CNTLN: variants seen among roughly 807,000 people sequenced by gnomAD.
The protein encoded by CNTLN is centlein, centrosomal protein.
Under a neutral mutation model 180.0 loss-of-function variants are expected in CNTLN, and 212 were observed. The ratio of observed to expected loss-of-function variants is 1.18; its 90% CI spans 1.05 to 1.32. CNTLN has a LOEUF of 1.32. Among genes scored for constraint, CNTLN ranks in the 40% most tolerant of loss-of-function variants. CNTLN has a pLI of 0.00. For missense variants in CNTLN, 2,095 were observed against 1,610.9 expected, an observed-to-expected ratio of 1.30 and a Z score of -5.14; for synonymous variants, 722 against 563.1, an observed-to-expected ratio of 1.28 and a Z score of -3.99.
At chr9:17,378,160 A>G (rs1307226687) in intron 13 of CNTLN, among the ~76,000 whole-genome samples, 3 of 151,868 alleles carry the variant, frequency 2.0e-5, no homozygotes, top group East Asian at 1.9e-4. Context: ...CAGTAATTCA[A>G]TTTTTAGCCA....
chr9:17,398,042 G>A (rs1826670926), intron 15 of CNTLN, among the ~76,000 whole-genome samples: 1 of 151,594 alleles, frequency 6.6e-6, no homozygotes, highest in African/African-American at 2.4e-5. Flanking sequence ...ATATAATTTT[G>A]TATATATAAA....
chr9:17,274,428 G>C (rs947685239), intron 6 of CNTLN, among the ~76,000 whole-genome samples: 1 of 151,722 alleles, frequency 6.6e-6, no homozygotes, highest in African/African-American at 2.4e-5. Flanking sequence ...AATTAAGACA[G>C]AACTTTTCCT....
intron 2 of CNTLN, among the ~76,000 whole-genome samples, chr9:17,145,608 T>A (rs1350746971): frequency 6.6e-6 from 1 of 152,220 alleles, no homozygotes; most frequent in Non-Finnish European, 1.5e-5. Context: ...ATAAAGAATG[T>A]CTACGTCCTT....
At chr9:17,283,012 C>A (rs1467551049) in intron 6 of CNTLN, among the ~76,000 whole-genome samples, 1 of 152,076 alleles carries the variant, frequency 6.6e-6, no homozygotes, top group African/African-American at 2.4e-5. Context: ...CGTTTGAAGT[C>A]CGGTAGTGTA....
intron 23 of CNTLN, among the ~76,000 whole-genome samples, chr9:17,473,161 C>A (rs534413705): frequency 6.6e-6 from 1 of 152,178 alleles, no homozygotes; most frequent in South Asian, 2.1e-4. Flanking sequence ...AAACAGATAA[C>A]CAAGAACTTC....
At position 17,476,505 on chromosome 9, in the gene CNTLN, T is replaced by C. The variant is rs148523755; in HGVS notation, c.3856-7790T>C. 1.0e-3 allele frequency among the ~76,000 whole-genome samples: 154 copies of C among 152,300 alleles called. 2 individuals carry two copies. The East Asian group carries it at 0.028, about 28-fold the overall frequency. On this transcript the variant is annotated intron_variant, in intron 23 of 25. Coordinates refer to ENST00000380647, the MANE Select transcript of CNTLN (RefSeq NM_017738.4). ...CCTTTTGCACCAAACAGCCAAGTCA[T>C]GAATGCAAAGGAAAAGCTACTGAAG... is the stretch of plus-strand genomic sequence containing the variant.
At chr9:17,437,678 G>T (rs1012079649) in intron 18 of CNTLN, among the ~76,000 whole-genome samples, 1 of 152,146 alleles carries the variant, frequency 6.6e-6, no homozygotes, top group Non-Finnish European at 1.5e-5. Context: ...TTAGTTTAAT[G>T]TACCTAACAC....
At chr9:17,431,270 A>T (rs906574207) in intron 18 of CNTLN, among the ~76,000 whole-genome samples, 1 of 151,996 alleles carries the variant, frequency 6.6e-6, no homozygotes, top group African/African-American at 2.4e-5. Flanking sequence ...TGATACCTCA[A>T]TGTGGTTTTG....
chr9:17,370,068 C>T (rs183132037), intron 13 of CNTLN, among the ~76,000 whole-genome samples: 33 of 151,414 alleles, frequency 2.2e-4, no homozygotes, highest in Admixed American at 1.4e-3. Context: ...ATGAAATAGC[C>T]TCAAAAGGGA....
chr9:17,466,200 T>C, intron 22 of CNTLN, 82 bp downstream of exon 22: 1 of 1,263,220 alleles, frequency 7.9e-7, no homozygotes, highest in Non-Finnish European at 1.1e-6. Flanking sequence ...TGCTTTTTCC[T>C]TCCCAAAACC....
intron 2 of CNTLN, among the ~76,000 whole-genome samples, chr9:17,177,121 G>C (rs1213424279): frequency 6.6e-6 from 1 of 152,004 alleles, no homozygotes; most frequent in East Asian, 1.9e-4. Context: ...ATAATTTTCA[G>C]TTTCTTGGCT....
chr9:17,277,107 T>TTGAG lies in CNTLN; in HGVS notation c.983+3242_983+3243insGAGT. On this transcript the variant is annotated intron_variant, in intron 6 of 25. Coordinates refer to ENST00000380647, the MANE Select transcript of CNTLN (RefSeq NM_017738.4). Reference sequence around the variant, plus strand: ...TCTGTATGGATTTCCTTCTTTGAAGTTCATAGTCATTTATATTTTATTGAA... The same window carrying TTGAG: ...TCTGTATGGATTTCCTTCTTTGAAGTTGAGTCATAGTCATTTATATTTTATTGAA... 7.9e-5 allele frequency among the ~76,000 whole-genome samples: 6 copies of TTGAG among 75,840 alleles called. 1 individual carries two copies. The highest frequency in any genetic ancestry group is 1.1e-4 in the African/African-American group (2 of 18,450). 49.8% of individuals were successfully genotyped at this position (75,840 alleles called of 152,430 possible).
chr9:17,390,995 A>G (rs940058330), intron 14 of CNTLN, among the ~76,000 whole-genome samples: 4 of 152,190 alleles, frequency 2.6e-5, no homozygotes, highest in African/African-American at 9.7e-5. Flanking sequence ...TCCTATAATA[A>G]AAGGCAGGTT....
At chr9:17,385,087 T>C (rs974357546) in intron 13 of CNTLN, among the ~76,000 whole-genome samples, 1 of 152,192 alleles carries the variant, frequency 6.6e-6, no homozygotes, top group African/African-American at 2.4e-5. Context: ...AAGTTTTCCA[T>C]TTACTATTGC....
intron 6 of CNTLN, among the ~76,000 whole-genome samples, chr9:17,277,423 C>T (rs189431009): frequency 7.9e-5 from 12 of 152,172 alleles, no homozygotes; most frequent in Admixed American, 7.2e-4. Flanking sequence ...CTGGTTTTCT[C>T]AGATGCTTAG....
intron 2 of CNTLN, among the ~76,000 whole-genome samples, chr9:17,213,757 A>G (rs556194193): frequency 2.6e-5 from 4 of 152,282 alleles, no homozygotes; most frequent in South Asian, 2.1e-4. Context: ...GGGTGCATAT[A>G]TATTTAGGAT....
intron 8 of CNTLN, among the ~76,000 whole-genome samples, chr9:17,310,875 C>G (rs887419380): frequency 1.3e-5 from 2 of 151,990 alleles, no homozygotes; most frequent in Non-Finnish European, 2.9e-5. Flanking sequence ...GTTCAATCTT[C>G]TATTGGATTT....
chr9:17,271,673 A>T (rs1450624591), intron 5 of CNTLN, among the ~76,000 whole-genome samples: 1 of 152,098 alleles, frequency 6.6e-6, no homozygotes, highest in Non-Finnish European at 1.5e-5. Context: ...CCCAGGCCAT[A>T]TCCCTACGAG....
intron 18 of CNTLN, among the ~76,000 whole-genome samples, chr9:17,419,988 C>G (rs1457551932): frequency 6.6e-6 from 1 of 152,220 alleles, no homozygotes; most frequent in Non-Finnish European, 1.5e-5. Context: ...AATCTCGGCT[C>G]ACTGCAAGCT....
Sources: gnomAD v4.1 joint callset for allele counts (sites outside exome capture counted in the v4.1 genomes callset) on GRCh38, gnomAD v4.1.1 for gene constraint, MANE v1.5 for transcripts, NCBI Gene and HGNC (gene_info 2026-07-23, HGNC 2026-07-21) for gene names.